Variants in TIMM17A observed in about 807,000 individuals in gnomAD.
The protein encoded by TIMM17A is translocase of inner mitochondrial membrane 17A, also known as mitochondrial import inner membrane translocase subunit Tim17-A.
Under a neutral mutation model 26.5 loss-of-function variants are expected in TIMM17A, and 15 were observed. The ratio of observed to expected loss-of-function variants is 0.57; its 90% CI spans 0.38 to 0.87. The LOEUF is 0.87. Ranked by LOEUF, TIMM17A falls within the 40% of genes least tolerant of loss-of-function variation. The pLI is 0.00. For synonymous variants in TIMM17A, 80 were observed against 70.8 expected (o/e 1.13, Z -0.66); for missense variants, 201 against 210.0 (o/e 0.96, Z 0.27).
chr1:201,960,792 A>G (rs1682509445), intron 3 of TIMM17A, among the ~76,000 whole-genome samples: 1 of 151,896 alleles, frequency 6.6e-6, no homozygotes, highest in Non-Finnish European at 1.5e-5. Context: ...AGGGTCACCC[A>G]GGCTGGAGTG....
At chr1:201,965,357 A>C in intron 4 of TIMM17A, 76 bp from the exon 5 acceptor site, 4 of 1,029,766 alleles carry the variant, frequency 3.9e-6, no homozygotes, top group Non-Finnish European at 4.6e-6. Flanking sequence ...CCATATGGAC[A>C]GTTCTCTTCT....
rs1682666285 is a variant in TIMM17A at position 201,967,999 on chromosome 1, G to A, written c.431-1470G>A. Among the ~76,000 whole-genome samples, 2 of 151,668 alleles carry A rather than the reference G, an allele frequency of 1.3e-5. 1 individual carries two copies. Among genetic ancestry groups the A allele is most frequent in the South Asian group, 4.2e-4 (2 of 4,804 alleles). On this transcript the variant is annotated intron_variant, in intron 5 of 5. Coordinates refer to ENST00000367287, the MANE Select transcript of TIMM17A (RefSeq NM_006335.3). Reference sequence around the variant, plus strand: ...CCAGTGAACTTACATGAAAAAGTTTGTCTTGTTTTGTTTTTGAGACAGAGT... The same window carrying A: ...CCAGTGAACTTACATGAAAAAGTTTATCTTGTTTTGTTTTTGAGACAGAGT...
At chr1:201,955,668 G>T (rs1189803612) in intron 1 of TIMM17A, 116 bp downstream of exon 1, 1 of 1,428,484 alleles carries the variant, frequency 7.0e-7, no homozygotes, top group African/African-American at 1.4e-5. Context: ...GTCGACTTGG[G>T]CCTGGTAACT....
intron 3 of TIMM17A, chr1:201,963,211 G>A (rs535902356): frequency 7.7e-5 from 13 of 169,740 alleles, no homozygotes; most frequent in Non-Finnish European, 1.6e-4. Context: ...CAGTAGCTGG[G>A]ATTACAGGTG....
At chr1:201,957,710 T>C in intron 3 of TIMM17A, 136 bp downstream of exon 3, 1 of 635,418 alleles carries the variant, frequency 1.6e-6, no homozygotes, top group Non-Finnish European at 2.6e-6. Flanking sequence ...ATCCCTATAG[T>C]TTCTTCTTGA....
At chr1:201,957,196 C>G (rs914691934) in intron 1 of TIMM17A, 85 bp from the exon 2 acceptor site, 3 of 857,994 alleles carry the variant, frequency 3.5e-6, no homozygotes, top group Non-Finnish European at 5.7e-6. Context: ...ATAATCTGTT[C>G]CATTATAATC....
intron 3 of TIMM17A, chr1:201,957,801 T>TTC (rs1682442471): frequency 6.2e-6 from 1 of 161,924 alleles, no homozygotes; most frequent in African/African-American, 1.8e-4. Context: ...CACTCGGTGA[T>TTC]TTTTTTTTTT....
At position 201,969,744 on chromosome 1, in the gene TIMM17A, T is replaced by G. The variant is rs1454893014; in HGVS notation, c.*190T>G. 1 of 453,582 alleles carries G rather than the reference T, an allele frequency of 2.2e-6. No individual in the cohort carries two copies. The highest frequency in any genetic ancestry group is 3.9e-6 in the Non-Finnish European group (1 of 254,146). The allele number at this position is 453,582 out of a possible 1,614,324, so 28.1% of individuals were successfully genotyped here. A position where few individuals can be genotyped will look rare whatever the true frequency, so the allele number is the denominator to read the frequency against. On this transcript the variant is annotated 3_prime_UTR_variant, in exon 6 of 6. Coordinates refer to ENST00000367287, the MANE Select transcript of TIMM17A (RefSeq NM_006335.3). The stretch of plus-strand genomic sequence containing the variant: ...AGGGTGCTAAAAGATAATACGTTTA[T>G]TTATTCACACTTGAATTGCATTTGT...
intron 1 of TIMM17A, 50 bp downstream of exon 1, chr1:201,955,602 C>T: frequency 6.2e-7 from 1 of 1,613,150 alleles, no homozygotes; most frequent in Non-Finnish European, 8.5e-7. Flanking sequence ...TGCCCACTGC[C>T]CTCCTTCTCC....
chr1:201,959,715 C>T lies in TIMM17A; in HGVS notation c.190+2141C>T, dbSNP rs555929219. Among the ~76,000 whole-genome samples, 228 of 152,136 alleles carry T rather than the reference C, an allele frequency of 1.5e-3. 2 individuals are homozygous for T. Among genetic ancestry groups the T allele is most frequent in the African/African-American group, 5.2e-3 (217 of 41,506 alleles). On this transcript the variant is annotated intron_variant, in intron 3 of 5. Coordinates refer to ENST00000367287, the MANE Select transcript of TIMM17A (RefSeq NM_006335.3). ...GTAGGCCGGGCGCGGTGGCTCACGA[C>T]TGTAATCCCAGCACTTTCGGAGGCC...
intron 3 of TIMM17A, among the ~76,000 whole-genome samples, chr1:201,959,656 A>AAAAT (rs1224138007): frequency 2.0e-5 from 3 of 152,038 alleles, no homozygotes; most frequent in East Asian, 1.9e-4. Flanking sequence ...GCTGTCTCAA[A>AAAAT]AAATAAATAA....
At chr1:201,966,991 T>TGTGTGTGTG (rs1491350132) in intron 5 of TIMM17A, among the ~76,000 whole-genome samples, 168 of 133,094 alleles carry the variant, frequency 1.3e-3, no homozygotes, top group African/African-American at 4.4e-3. Context: ...ATTATATATG[T>TGTGTGTGTG]TGTGTGTGTG....
chr1:201,962,765 A>G (rs1682556814), intron 3 of TIMM17A: 1 of 152,250 alleles, frequency 6.6e-6, no homozygotes, highest in Non-Finnish European at 1.5e-5. Flanking sequence ...TTGATGTTCC[A>G]TAGTTCTAGC....
chr1:201,963,657 T>TGTA lies in TIMM17A; in HGVS notation c.236_238dup (p.Ser79dup). On this transcript the variant is annotated inframe_insertion, in exon 4 of 6. Coordinates refer to ENST00000367287, the MANE Select transcript of TIMM17A (RefSeq NM_006335.3). ...GGGAGGGCTGTTTTCCATGATTGAC[T>TGTA]GTAGTATGGTTCAAGTCAGAGGAAA... The TGTA allele has an allele frequency of 6.2e-7, 1 of 1,610,960 alleles. No homozygotes were observed. The highest frequency in any genetic ancestry group is 8.5e-7 in the Non-Finnish European group (1 of 1,179,214).
intron 5 of TIMM17A, among the ~76,000 whole-genome samples, chr1:201,966,881 A>ATG (rs923933031): frequency 2.0e-5 from 3 of 147,366 alleles, no homozygotes; most frequent in Non-Finnish European, 4.5e-5. Flanking sequence ...TGTTATATAT[A>ATG]TGCTATATAT....
chr1:201,965,346 A>T (rs1041400806), intron 4 of TIMM17A, 87 bp from the exon 5 acceptor site: 6 of 910,132 alleles, frequency 6.6e-6, no homozygotes, highest in Non-Finnish European at 5.3e-6. Context: ...GGAGCATGTC[A>T]CCATATGGAC....
At chr1:201,957,184 G>A in intron 1 of TIMM17A, 97 bp from the exon 2 acceptor site, 1 of 773,512 alleles carries the variant, frequency 1.3e-6, no homozygotes, top group Non-Finnish European at 2.2e-6. Flanking sequence ...GGGCCCTGCA[G>A]TATAATCTGT....
At chr1:201,956,740 G>A (rs1394716400) in intron 1 of TIMM17A, among the ~76,000 whole-genome samples, 1 of 151,956 alleles carries the variant, frequency 6.6e-6, no homozygotes, top group African/African-American at 2.4e-5. Flanking sequence ...GGCGGATCAC[G>A]AGGTCAGGAG....
chr1:201,961,778 T>C (rs1199888462), intron 3 of TIMM17A, among the ~76,000 whole-genome samples: 1 of 152,072 alleles, frequency 6.6e-6, no homozygotes, highest in Non-Finnish European at 1.5e-5. Flanking sequence ...TATATTGATA[T>C]CTCGTATTTC....
Sources: gnomAD v4.1 joint callset for allele counts (sites outside exome capture counted in the v4.1 genomes callset) on GRCh38, gnomAD v4.1.1 for gene constraint, MANE v1.5 for transcripts, NCBI Gene and HGNC (gene_info 2026-07-23, HGNC 2026-07-21) for gene names.